The following STX8 variants were observed in gnomAD, a reference collection of about 807,000 sequenced individuals.
The protein encoded by STX8 is syntaxin-8.
STX8 carries 23 observed loss-of-function variants against 37.5 expected under a neutral mutation model. The observed-to-expected ratio is 0.61, with a 90% CI of 0.44 to 0.87. The LOEUF (loss-of-function observed/expected upper bound fraction) is 0.87, where lower values mean the gene tolerates loss of function less well. Ranked by LOEUF, STX8 falls within the 40% of genes least tolerant of loss-of-function variation. The probability of loss-of-function intolerance (pLI) is 0.00; values close to 1 mark genes in which losing one functional copy is unlikely to be tolerated. For missense variants in STX8, 313 were observed against 284.7 expected, an observed-to-expected ratio of 1.10 and a Z score of -0.71; for synonymous variants, 115 against 99.1, an observed-to-expected ratio of 1.16 and a Z score of -0.95.
At chr17:9,510,164 G>A (rs1368321376) in intron 4 of STX8, among the ~76,000 whole-genome samples, 1 of 152,174 alleles carries the variant, frequency 6.6e-6, no homozygotes, top group Non-Finnish European at 1.5e-5. Flanking sequence ...GGGAGAGATA[G>A]ACTCAAATAG....
chr17:9,354,243 T>C (rs1362291626), intron 7 of STX8, among the ~76,000 whole-genome samples: 1 of 152,190 alleles, frequency 6.6e-6, no homozygotes, highest in Non-Finnish European at 1.5e-5. Context: ...ATGTTTGTAT[T>C]TACTCTTAAC....
At chr17:9,309,981 G>A (rs1909133629) in intron 7 of STX8, among the ~76,000 whole-genome samples, 1 of 151,718 alleles carries the variant, frequency 6.6e-6, no homozygotes, top group African/African-American at 2.4e-5. Context: ...GCAAATATTT[G>A]TCAATAGTCA....
chr17:9,270,624 T>C (rs1030358024), intron 7 of STX8, among the ~76,000 whole-genome samples: 5 of 152,124 alleles, frequency 3.3e-5, no homozygotes, highest in Non-Finnish European at 7.3e-5. Flanking sequence ...ACTTGGCACA[T>C]AGTAAGTGCT....
chr17:9,516,908 G>A (rs1037930213), intron 4 of STX8, among the ~76,000 whole-genome samples: 3 of 151,930 alleles, frequency 2.0e-5, no homozygotes, highest in African/African-American at 7.3e-5. Context: ...GTGGGCCAAT[G>A]GTTTTCAACC....
At chr17:9,309,031 T>TA (rs1909099512) in intron 7 of STX8, among the ~76,000 whole-genome samples, 1 of 151,802 alleles carries the variant, frequency 6.6e-6, no homozygotes, top group African/African-American at 2.4e-5. Flanking sequence ...TTGCTTCCAA[T>TA]AAGCAGCTTA....
chr17:9,374,544 A>G (rs1462819323), intron 7 of STX8, among the ~76,000 whole-genome samples: 3 of 152,190 alleles, frequency 2.0e-5, no homozygotes, highest in Non-Finnish European at 4.4e-5. Context: ...ACCCCCGTAC[A>G]GCTTTAGAGA....
In STX8 at chr17:9,410,539, T is replaced by C. The variant is rs377550951; in HGVS notation, c.542-31886A>G. Reference sequence around the variant, plus strand: ...TACTGGAGTTGTCTATCTTCACAGATGTCACAGAGAAGCCATCTGAAAAGC... The same window carrying C: ...TACTGGAGTTGTCTATCTTCACAGACGTCACAGAGAAGCCATCTGAAAAGC... On this transcript the variant is annotated intron_variant, in intron 6 of 7. Transcript: ENST00000306357. Among the ~76,000 whole-genome samples, 8 of 152,328 alleles carry C rather than the reference T, an allele frequency of 5.3e-5. No individual in the cohort carries two copies. The South Asian group carries it at 1.2e-3, about 24-fold the overall frequency.
intron 6 of STX8, among the ~76,000 whole-genome samples, chr17:9,402,168 G>A (rs1223984380): frequency 6.6e-6 from 1 of 151,934 alleles, no homozygotes; most frequent in African/African-American, 2.4e-5. Flanking sequence ...TCCCCAGGCT[G>A]GAGTGCAATG....
intron 4 of STX8, among the ~76,000 whole-genome samples, chr17:9,513,479 T>A (rs977080227): frequency 1.3e-5 from 2 of 152,196 alleles, no homozygotes; most frequent in Non-Finnish European, 2.9e-5. Flanking sequence ...CAATGAGGTA[T>A]CATCTCATTC....
chr17:9,519,016 C>A (rs1331521844), intron 4 of STX8, among the ~76,000 whole-genome samples: 3 of 152,042 alleles, frequency 2.0e-5, no homozygotes, highest in Non-Finnish European at 4.4e-5. Context: ...TCCTTCCTAG[C>A]AGGACAATAC....
At chr17:9,375,000 G>C (rs1187858545) in intron 7 of STX8, among the ~76,000 whole-genome samples, 3 of 147,182 alleles carry the variant, frequency 2.0e-5, no homozygotes, top group Non-Finnish European at 4.4e-5. Flanking sequence ...GGAGGCAGAG[G>C]TTGCAGTGAG....
At chr17:9,332,161 A>C (rs1909981613) in intron 7 of STX8, among the ~76,000 whole-genome samples, 1 of 152,204 alleles carries the variant, frequency 6.6e-6, no homozygotes, top group South Asian at 2.1e-4. Flanking sequence ...CTTAGCTGAA[A>C]AATTTTAGCA....
chr17:9,520,621 G>C (rs1446933975), intron 4 of STX8, among the ~76,000 whole-genome samples: 1 of 152,092 alleles, frequency 6.6e-6, no homozygotes, highest in African/African-American at 2.4e-5. Flanking sequence ...CACTTCTAAA[G>C]ACATAAAATG....
intron 3 of STX8, chr17:9,554,616 C>G (rs555674064): frequency 6.6e-6 from 1 of 152,138 alleles, no homozygotes; most frequent in Non-Finnish European, 1.5e-5. Context: ...TCAAAAGTGG[C>G]CTCCGTGGCC....
chr17:9,531,674 G>T (rs1256959128), intron 4 of STX8, among the ~76,000 whole-genome samples: 2 of 152,144 alleles, frequency 1.3e-5, no homozygotes, highest in Non-Finnish European at 2.9e-5. Flanking sequence ...TCCACTGAGG[G>T]TCTTAGAATG....
intron 6 of STX8, among the ~76,000 whole-genome samples, chr17:9,434,093 T>C (rs1251201161): frequency 1.3e-5 from 2 of 152,042 alleles, no homozygotes; most frequent in Non-Finnish European, 2.9e-5. Flanking sequence ...AACCTCCGCC[T>C]CCCAGGTTCA....
rs575205565 is a variant in STX8 at position 9,547,792 on chromosome 17, T to G, written c.213-2510A>C. Among the ~76,000 whole-genome samples the G allele has an allele frequency of 5.9e-3, 838 of 141,692 alleles. 5 individuals carry two copies. Among genetic ancestry groups the G allele is most frequent in the East Asian group, 0.013 (67 of 5,110 alleles). The allele number at this position is 141,692 out of a possible 152,430, so 93.0% of individuals were successfully genotyped here. A position where few individuals can be genotyped will look rare whatever the true frequency, so the allele number is the denominator to read the frequency against. ...CTTTTCTTTTCTTTTCTTTTTTTTTTTTTTGTTTTGTTTTGTTAAGATGGA... is the reference window on the plus strand; with the variant it reads ...CTTTTCTTTTCTTTTCTTTTTTTTTGTTTTGTTTTGTTTTGTTAAGATGGA... On this transcript the variant is annotated intron_variant, in intron 3 of 7. Coordinates refer to ENST00000306357, the MANE Select transcript of STX8 (RefSeq NM_004853.3).
chr17:9,265,420 G>A (rs535323625), intron 7 of STX8, among the ~76,000 whole-genome samples: 22 of 152,344 alleles, frequency 1.4e-4, no homozygotes, highest in Middle Eastern at 6.8e-3. Context: ...ACTGTGTATG[G>A]GCCCACTGGG....
chr17:9,413,417 G>T (rs1486282447), intron 6 of STX8, among the ~76,000 whole-genome samples: 1 of 152,166 alleles, frequency 6.6e-6, no homozygotes, highest in African/African-American at 2.4e-5. Context: ...TGTGATTCTT[G>T]GGAATTCTTA....
Sources: gnomAD v4.1 joint callset for allele counts (sites outside exome capture counted in the v4.1 genomes callset) on GRCh38, gnomAD v4.1.1 for gene constraint, MANE v1.5 for transcripts, NCBI Gene and HGNC (gene_info 2026-07-23, HGNC 2026-07-21) for gene names.